HS6ST3: variants seen among roughly 807,000 people sequenced by gnomAD.
HS6ST3 encodes the protein heparan-sulfate 6-O-sulfotransferase 3.
In HS6ST3, 12 loss-of-function variants were observed where a neutral mutation model predicts 36.7. The observed-to-expected ratio is 0.33, with a 90% CI of 0.21 to 0.53. The LOEUF (loss-of-function observed/expected upper bound fraction) is 0.53, where lower values mean the gene tolerates loss of function less well. HS6ST3 is among the 20% of genes least tolerant of loss of function. The pLI is 0.95. For synonymous variants in HS6ST3, 240 were observed against 257.5 expected (o/e 0.93, Z 0.65); for missense variants, 584 against 640.9 (o/e 0.91, Z 0.96).
chr13:96,186,034 CTATA>C (rs1182816144), intron 1 of HS6ST3, among the ~76,000 whole-genome samples: 3 of 152,146 alleles, frequency 2.0e-5, no homozygotes, highest in African/African-American at 7.2e-5. Context: ...TGGATATAAA[CTATA>C]TATATGCATG....
intron 1 of HS6ST3, among the ~76,000 whole-genome samples, chr13:96,760,351 A>G (rs891852339): frequency 6.6e-6 from 1 of 151,948 alleles, no homozygotes; most frequent in Non-Finnish European, 1.5e-5. Flanking sequence ...TATTGACTTC[A>G]TATGGAATTA....
intron 1 of HS6ST3, among the ~76,000 whole-genome samples, chr13:96,492,314 A>T (rs1348708486): frequency 1.3e-5 from 2 of 152,244 alleles, no homozygotes; most frequent in African/African-American, 4.8e-5. Context: ...AACTTTGGAA[A>T]GGTTAGCATC....
intron 1 of HS6ST3, among the ~76,000 whole-genome samples, chr13:96,718,833 T>C (rs1303861775): frequency 2.0e-5 from 3 of 152,234 alleles, no homozygotes; most frequent in Non-Finnish European, 1.5e-5. Flanking sequence ...TTTTCCACTT[T>C]ATTCATCAGC....
chr13:96,560,029 A>G (rs2056256052), intron 1 of HS6ST3, among the ~76,000 whole-genome samples: 1 of 152,128 alleles, frequency 6.6e-6, no homozygotes, highest in South Asian at 2.1e-4. Flanking sequence ...GCATATTCCT[A>G]ATTTGAGATC....
At chr13:96,686,675 A>G (rs1352713872) in intron 1 of HS6ST3, among the ~76,000 whole-genome samples, 1 of 152,080 alleles carries the variant, frequency 6.6e-6, no homozygotes, top group Non-Finnish European at 1.5e-5. Flanking sequence ...CTGACAAAGC[A>G]GTACTCTTAA....
intron 1 of HS6ST3, among the ~76,000 whole-genome samples, chr13:96,381,945 G>C (rs2055343544): frequency 6.6e-6 from 1 of 152,102 alleles, no homozygotes; most frequent in African/African-American, 2.4e-5. Context: ...TGTCACACAG[G>C]GGCTGCATTA....
At chr13:96,504,996 C>A (rs2056020626) in intron 1 of HS6ST3, among the ~76,000 whole-genome samples, 1 of 152,074 alleles carries the variant, frequency 6.6e-6, no homozygotes, top group South Asian at 2.1e-4. Context: ...AATACTGACC[C>A]AAAATACTGT....
intron 1 of HS6ST3, among the ~76,000 whole-genome samples, chr13:96,560,155 G>A (rs2056256539): frequency 6.6e-6 from 1 of 152,116 alleles, no homozygotes; most frequent in African/African-American, 2.4e-5. Flanking sequence ...TGCTAGTGTG[G>A]GGCTTTGAGC....
intron 1 of HS6ST3, among the ~76,000 whole-genome samples, chr13:96,810,656 G>A (rs977132323): frequency 2.0e-5 from 3 of 152,170 alleles, no homozygotes; most frequent in African/African-American, 4.8e-5. Context: ...TCTAATGAAC[G>A]AGTCTTAGGA....
intron 1 of HS6ST3, among the ~76,000 whole-genome samples, chr13:96,209,591 G>A (rs2054388555): frequency 6.6e-6 from 1 of 152,082 alleles, no homozygotes; most frequent in African/African-American, 2.4e-5. Context: ...AATAACATTT[G>A]GCTATAGCAG....
chr13:96,441,785 T>G (rs550206413), intron 1 of HS6ST3, among the ~76,000 whole-genome samples: 1 of 152,182 alleles, frequency 6.6e-6, no homozygotes, highest in Admixed American at 6.5e-5. Context: ...AGTTAAATTT[T>G]TAAGATAGCT....
At chr13:96,477,424 T>A (rs2055869362) in intron 1 of HS6ST3, among the ~76,000 whole-genome samples, 1 of 152,248 alleles carries the variant, frequency 6.6e-6, no homozygotes, top group South Asian at 2.1e-4. Context: ...AGATTTTATG[T>A]TCAAGAAGTA....
intron 1 of HS6ST3, among the ~76,000 whole-genome samples, chr13:96,186,331 A>G (rs892022974): frequency 2.0e-5 from 3 of 152,172 alleles, no homozygotes; most frequent in African/African-American, 7.2e-5. Flanking sequence ...TTTCATTAGC[A>G]TTTGCCTTAC....
intron 1 of HS6ST3, among the ~76,000 whole-genome samples, chr13:96,124,668 C>A (rs1319814867): frequency 2.0e-5 from 3 of 152,072 alleles, no homozygotes; most frequent in African/African-American, 7.2e-5. Flanking sequence ...GAGGGCATAA[C>A]CAGGTAAAGA....
chr13:96,606,620 AGGGAGGGAGGGAG>A, intron 1 of HS6ST3, among the ~76,000 whole-genome samples: 1 of 9,206 alleles, frequency 1.1e-4, no homozygotes, highest in East Asian at 2.5e-3. Context: ...GGAGGGAGGG[AGGGAGGGAGGGAG>A]GGAGGGCTGA....
chr13:96,296,667 T>C (rs1449119412), intron 1 of HS6ST3, among the ~76,000 whole-genome samples: 1 of 152,180 alleles, frequency 6.6e-6, no homozygotes, highest in Non-Finnish European at 1.5e-5. Context: ...GAGATCCTGA[T>C]TATGTTACCC....
chr13:96,090,411 C>T lies in HS6ST3; in HGVS notation c.-452C>T, dbSNP rs1367821191. 6.8e-6 allele frequency among the ~76,000 whole-genome samples: 1 copy of T among 146,286 alleles called. No homozygotes were observed. Among genetic ancestry groups the T allele is most frequent in the East Asian group, 2.0e-4 (1 of 5,080 alleles). ...GCCGCGCCTTCGCCCTTGGCCGGCG[C>T]CCTGGCGAGCCTCATGCAGCCCCGG... On this transcript the variant is annotated 5_prime_UTR_variant, in exon 1 of 2. Transcript: ENST00000376705.
intron 1 of HS6ST3, among the ~76,000 whole-genome samples, chr13:96,680,446 G>A (rs184814976): frequency 1.3e-5 from 2 of 152,246 alleles, no homozygotes; most frequent in Admixed American, 1.3e-4. Context: ...GTCATTTGAG[G>A]CTGGGTGGTT....
chr13:96,674,939 T>A (rs1333709686), intron 1 of HS6ST3, among the ~76,000 whole-genome samples: 1 of 152,184 alleles, frequency 6.6e-6, no homozygotes, highest in Non-Finnish European at 1.5e-5. Context: ...TCTGTCATGT[T>A]TCAGGAGGAG....
Sources: allele counts gnomAD v4.1 joint callset (sites outside exome capture counted in the v4.1 genomes callset), GRCh38; gene constraint gnomAD v4.1.1; transcripts MANE v1.5; gene names NCBI Gene and HGNC (gene_info 2026-07-23, HGNC 2026-07-21).